Variants in LRP1B observed in about 807,000 individuals in gnomAD.
The protein encoded by LRP1B is low-density lipoprotein receptor-related protein 1B.
Under a neutral mutation model 556.6 loss-of-function variants are expected in LRP1B, and 217 were observed. The observed-to-expected ratio is 0.39, with a 90% confidence interval of 0.35 to 0.44. LRP1B has a LOEUF of 0.44. LRP1B is among the 20% of genes least tolerant of loss of function. LRP1B has a pLI of 1.00. For missense variants in LRP1B, 5,053 were observed against 5,620.8 expected (o/e 0.90, Z 3.23); for synonymous variants, 2,047 against 1,865.8 (o/e 1.10, Z -2.50).
Position 140,231,823 on chromosome 2 carries a change from T to C in LRP1B, c.*1363A>G, listed in dbSNP as rs1680484196. 6.6e-6 allele frequency: 1 copy of C among 151,814 alleles called. No homozygotes were observed. Among genetic ancestry groups the C allele is most frequent in the South Asian group, 2.1e-4 (1 of 4,832 alleles). The allele number at this position is 151,814 out of a possible 1,614,324, so 9.4% of individuals were successfully genotyped here. A position where few individuals can be genotyped will look rare whatever the true frequency, so the allele number is the denominator to read the frequency against. On this transcript the variant is annotated 3_prime_UTR_variant, in exon 91 of 91. Transcript: ENST00000389484. Reference sequence around the variant, plus strand: ...CATTATGACAGCTAAAAGTCAGTCATGTCTATCAGAGGAACAAAAAGCCCT... The same window carrying C: ...CATTATGACAGCTAAAAGTCAGTCACGTCTATCAGAGGAACAAAAAGCCCT...
At chr2:141,673,023 G>A (rs355546) in intron 2 of LRP1B, among the ~76,000 whole-genome samples, 10,980 of 151,844 alleles carry the variant, frequency 0.072, 553 homozygotes, top group African/African-American at 0.14. Context: ...AAAAACAGTC[G>A]CCTATATCAC....
chr2:141,544,347 T>C (rs1021715694), intron 2 of LRP1B, among the ~76,000 whole-genome samples: 24 of 84,868 alleles, frequency 2.8e-4, no homozygotes, highest in African/African-American at 9.6e-4. Flanking sequence ...CTTCTTCTTC[T>C]TCTTCTTCTT....
At position 142,058,669 on chromosome 2, in the gene LRP1B, A is replaced by G. The variant is rs148245434; in HGVS notation, c.82+71979T>C. On this transcript the variant is annotated intron_variant, in intron 1 of 90. Coordinates refer to ENST00000389484, the MANE Select transcript of LRP1B (RefSeq NM_018557.3). Reference sequence around the variant, plus strand: ...AAATGATTGGACACCCCTGCTTTAGAGCACTTTACTCCTTCTATTTCTCTC... The same window carrying G: ...AAATGATTGGACACCCCTGCTTTAGGGCACTTTACTCCTTCTATTTCTCTC... Among the ~76,000 whole-genome samples the G allele has an allele frequency of 3.5e-3, 528 of 152,210 alleles. 2 individuals are homozygous for G. Among genetic ancestry groups the G allele is most frequent in the African/African-American group, 0.012 (479 of 41,544 alleles).
chr2:141,403,105 T>C (rs1559051169), intron 3 of LRP1B, among the ~76,000 whole-genome samples: 2 of 152,078 alleles, frequency 1.3e-5, no homozygotes, highest in Admixed American at 6.5e-5. Flanking sequence ...CAAGATTGAA[T>C]ATCAAGTAAA....
intron 2 of LRP1B, among the ~76,000 whole-genome samples, chr2:141,742,450 C>A (rs999759932): frequency 2.6e-5 from 4 of 151,892 alleles, no homozygotes; most frequent in Admixed American, 2.0e-4. Flanking sequence ...GGCAGGGTAT[C>A]ATCATTTTGG....
chr2:140,619,948 A>T (rs186924608), intron 41 of LRP1B, among the ~76,000 whole-genome samples: 2 of 152,320 alleles, frequency 1.3e-5, no homozygotes, highest in East Asian at 3.9e-4. Flanking sequence ...CAATATAGAT[A>T]TTTTTAAACA....
At chr2:141,544,381 T>TCTTCTTCTTCTTCTTCTTCTC (rs1685463294) in intron 2 of LRP1B, among the ~76,000 whole-genome samples, 23 of 79,776 alleles carry the variant, frequency 2.9e-4, no homozygotes, top group African/African-American at 7.8e-4. Context: ...TTCTTCTTCT[T>TCTTCTTCTTCTTCTTCTTCTC]CTCCTCCTCC....
chr2:141,710,734 T>C (rs992791293), intron 2 of LRP1B, among the ~76,000 whole-genome samples: 1 of 152,172 alleles, frequency 6.6e-6, no homozygotes, highest in East Asian at 1.9e-4. Flanking sequence ...AACTAAGATT[T>C]AGAACCACAA....
chr2:140,714,942 C>A lies in LRP1B; in HGVS notation c.6023+1031G>T, dbSNP rs75205929. Among the ~76,000 whole-genome samples, 894 of 151,952 alleles carry A rather than the reference C, an allele frequency of 5.9e-3. 13 individuals are homozygous for A. The highest frequency in any genetic ancestry group is 0.02 in the African/African-American group (840 of 41,460). On this transcript the variant is annotated intron_variant, in intron 37 of 90. Coordinates refer to ENST00000389484, the MANE Select transcript of LRP1B (RefSeq NM_018557.3). ...ATAAAAATACTAGGTGCTTATGGGG[C>A]CATACAACAATCTAAACTATTTTCA...
intron 41 of LRP1B, among the ~76,000 whole-genome samples, chr2:140,640,273 G>A (rs1022546754): frequency 1.7e-4 from 26 of 150,590 alleles, no homozygotes; most frequent in African/African-American, 6.1e-4. Flanking sequence ...TTACAGGCGT[G>A]AGCCATCGCG....
At chr2:140,949,085 G>A (rs993040648) in intron 20 of LRP1B, among the ~76,000 whole-genome samples, 3 of 152,126 alleles carry the variant, frequency 2.0e-5, no homozygotes, top group African/African-American at 7.2e-5. Context: ...GCTTTCTTTT[G>A]CTCATGGAGT....
chr2:142,001,999 A>G (rs1027814953), intron 1 of LRP1B, among the ~76,000 whole-genome samples: 7 of 152,298 alleles, frequency 4.6e-5, no homozygotes, highest in Middle Eastern at 3.4e-3. Context: ...GTCTGCCAAA[A>G]GGAAGAGAAC....
intron 2 of LRP1B, among the ~76,000 whole-genome samples, chr2:141,503,283 C>T (rs2105136576): frequency 6.8e-6 from 1 of 146,686 alleles, no homozygotes; most frequent in African/African-American, 2.5e-5. Context: ...CCATAATATA[C>T]AATTATTTTT....
chr2:140,481,679 T>G (rs1688253571), intron 59 of LRP1B, among the ~76,000 whole-genome samples: 1 of 151,370 alleles, frequency 6.6e-6, no homozygotes. Flanking sequence ...TCTTGTATTT[T>G]TCTCTTTTTC....
intron 7 of LRP1B, among the ~76,000 whole-genome samples, chr2:141,109,211 C>A (rs992657749): frequency 6.6e-6 from 1 of 152,090 alleles, no homozygotes; most frequent in South Asian, 2.1e-4. Flanking sequence ...ATACCCTATG[C>A]CCCTGCCCAC....
At chr2:140,663,906 A>G (rs1415997656) in intron 41 of LRP1B, among the ~76,000 whole-genome samples, 1 of 151,896 alleles carries the variant, frequency 6.6e-6, no homozygotes, top group Non-Finnish European at 1.5e-5. Flanking sequence ...TTCTTTTTTT[A>G]CTTGAACACT....
intron 2 of LRP1B, among the ~76,000 whole-genome samples, chr2:141,684,452 C>T (rs1016907036): frequency 5.3e-5 from 8 of 150,846 alleles, no homozygotes; most frequent in Non-Finnish European, 1.0e-4. Context: ...CAGGGCCTGC[C>T]GGGGGGTGGG....
intron 47 of LRP1B, among the ~76,000 whole-genome samples, chr2:140,528,853 T>G (rs1574044501): frequency 6.6e-6 from 1 of 152,074 alleles, no homozygotes; most frequent in Non-Finnish European, 1.5e-5. Context: ...TCTTTCTCTC[T>G]GTTGCTTCAA....
chr2:141,734,043 A>G (rs1314387724), intron 2 of LRP1B, among the ~76,000 whole-genome samples: 2 of 152,066 alleles, frequency 1.3e-5, no homozygotes, highest in African/African-American at 2.4e-5. Flanking sequence ...TATGATAGGC[A>G]CTTAGTATTT....
Sources: allele counts gnomAD v4.1 joint callset (sites outside exome capture counted in the v4.1 genomes callset), GRCh38; gene constraint gnomAD v4.1.1; transcripts MANE v1.5; gene names NCBI Gene and HGNC (gene_info 2026-07-23, HGNC 2026-07-21).